The following POLA1 variants were observed in gnomAD, a reference collection of about 807,000 sequenced individuals.
POLA1 encodes the protein DNA polymerase alpha 1, catalytic subunit, also known as DNA polymerase alpha catalytic subunit.
In POLA1, 15 loss-of-function variants were observed where a neutral mutation model predicts 124.0. The observed-to-expected ratio is 0.12, with a 90% CI of 0.08 to 0.19. The LOEUF (loss-of-function observed/expected upper bound fraction) is 0.19. Ranked by LOEUF, POLA1 falls within the 10% of genes least tolerant of loss-of-function variation. POLA1 has a pLI of 1.00. For missense variants in POLA1, 886 were observed against 1,103.4 expected (o/e 0.80, Z 2.79); for synonymous variants, 408 against 389.4 (o/e 1.05, Z -0.56).
At chrX:24,709,196 G>C (rs1929095979) in intron 4 of POLA1, among the ~76,000 whole-genome samples, 1 of 95,338 alleles carries the variant, frequency 1.0e-5, no homozygotes, top group Non-Finnish European at 2.1e-5. Context: ...CAGGGGGGCT[G>C]ACCCCCCCAC....
At chrX:24,971,044 G>A (rs1392858368) in intron 36 of POLA1, among the ~76,000 whole-genome samples, 2 of 112,615 alleles carry the variant, frequency 1.8e-5, no homozygotes, top group Non-Finnish European at 3.8e-5. Context: ...CAGGATCTTT[G>A]TTTTAGATTT....
chrX:24,790,259 GGTTTAAA>G (rs1354911741), intron 26 of POLA1, among the ~76,000 whole-genome samples: 1 of 111,900 alleles, frequency 8.9e-6, no homozygotes, highest in Non-Finnish European at 1.9e-5. Context: ...AGTTGCAGGA[GGTTTAAA>G]GTTTAGAGTG....
chrX:24,820,096 G>T (rs2046063380), intron 30 of POLA1, among the ~76,000 whole-genome samples: 1 of 111,684 alleles, frequency 9.0e-6, no homozygotes, highest in Non-Finnish European at 1.9e-5. Flanking sequence ...TTGCTATTGA[G>T]AGCTTTAAAA....
intron 2 of POLA1, among the ~76,000 whole-genome samples, chrX:24,702,270 T>C (rs1434730804): frequency 3.8e-5 from 4 of 106,233 alleles, no homozygotes; most frequent in Admixed American, 1.0e-4. Flanking sequence ...GGTTTCACTA[T>C]GTTGGCCAGG....
chrX:24,713,034 G>A (rs188635851), intron 4 of POLA1, among the ~76,000 whole-genome samples: 3 of 110,979 alleles, frequency 2.7e-5, no homozygotes, highest in East Asian at 2.8e-4. Context: ...GCATGATCTC[G>A]GCTCACTGCA....
intron 34 of POLA1, among the ~76,000 whole-genome samples, chrX:24,858,307 C>A (rs2046674171): frequency 9.0e-6 from 1 of 111,707 alleles, no homozygotes; most frequent in Admixed American, 9.5e-5. Context: ...ATAGAAATGT[C>A]ATCTTTCCTG....
rs777668998 is a variant in POLA1 at position 24,717,606 on chromosome X, G to A, written c.935G>A (p.Cys312Tyr). The A allele has an allele frequency of 8.3e-7, 1 of 1,210,190 alleles. No individual in the cohort carries two copies. The highest frequency in any genetic ancestry group is 1.1e-6 in the Non-Finnish European group (1 of 894,242). The part of the protein sequence containing the change: ...YLGSFLPDVS[C>Y]WDIDQEGDSS... Reference sequence around the variant, plus strand: ...GGAAGTTTTCTCCCGGATGTCTCTTGTTGGGACATTGATCAAGAAGGTGAT... The same window carrying A: ...GGAAGTTTTCTCCCGGATGTCTCTTATTGGGACATTGATCAAGAAGGTGAT... The change falls in exon 10 of 37, where the codon TGT (cysteine) becomes TAT (tyrosine). Residue 312 changes from cysteine (C) to tyrosine (Y), a missense_variant. Coordinates refer to ENST00000379068, the MANE Select transcript of POLA1 (RefSeq NM_001330360.2).
intron 30 of POLA1, among the ~76,000 whole-genome samples, chrX:24,816,186 G>A (rs1217626691): frequency 8.9e-6 from 1 of 112,282 alleles, no homozygotes; most frequent in Non-Finnish European, 1.9e-5. Flanking sequence ...GTGAATATCT[G>A]TATGGCTTTT....
chrX:24,918,810 A>G (rs765481463), intron 35 of POLA1, among the ~76,000 whole-genome samples: 1 of 105,274 alleles, frequency 9.5e-6, no homozygotes, highest in African/African-American at 3.5e-5. Flanking sequence ...TAGAGATCGC[A>G]TGGTGAGAGA....
At chrX:24,745,047 C>G (rs1455153405) in intron 23 of POLA1, among the ~76,000 whole-genome samples, 3 of 105,240 alleles carry the variant, frequency 2.9e-5, no homozygotes, top group African/African-American at 1.0e-4. Context: ...AGAATTCTTG[C>G]TTTGAAGGAG....
At chrX:24,912,876 T>C (rs1234625772) in intron 35 of POLA1, among the ~76,000 whole-genome samples, 1 of 112,531 alleles carries the variant, frequency 8.9e-6, no homozygotes, top group Admixed American at 9.4e-5. Context: ...CTGGCGCAGA[T>C]GCAAAACAAC....
intron 34 of POLA1, among the ~76,000 whole-genome samples, chrX:24,862,800 A>G (rs191393723): frequency 2.3e-3 from 259 of 112,248 alleles, no homozygotes; most frequent in Non-Finnish European, 3.7e-3. Flanking sequence ...TTATTCATCT[A>G]CGTCTGTCAA....
intron 35 of POLA1, among the ~76,000 whole-genome samples, chrX:24,919,808 G>GTTTTTTTTT (rs1195362180): frequency 4.9e-5 from 1 of 20,273 alleles, no homozygotes; most frequent in Admixed American, 5.2e-4. Flanking sequence ...TTTTTTTTTT[G>GTTTTTTTTT]TTTTTTTTTT....
In POLA1 at chrX:24,973,397, G is replaced by C. The variant is rs573880594; in HGVS notation, c.4262-22408G>C. ...AGAAAAGGCAAGAAAGAAAAAGAAAGAGAGAGAGAGAAAGAAAGGAAAAGA... is the reference window on the plus strand; with the variant it reads ...AGAAAAGGCAAGAAAGAAAAAGAAACAGAGAGAGAGAAAGAAAGGAAAAGA... On this transcript the variant is annotated intron_variant, in intron 36 of 36. Coordinates refer to ENST00000379068, the MANE Select transcript of POLA1 (RefSeq NM_001330360.2). Among the ~76,000 whole-genome samples, 27 of 110,728 alleles carry C rather than the reference G, an allele frequency of 2.4e-4. 1 individual carries two copies. The Middle Eastern group carries it at 0.028, about 116-fold the overall frequency.
chrX:24,826,539 T>C lies in POLA1; in HGVS notation c.3674T>C (p.Val1225Ala), dbSNP rs2046174243. The C allele has an allele frequency of 8.3e-7, 1 of 1,205,054 alleles. No individual in the cohort carries two copies. The highest frequency in any genetic ancestry group is 1.1e-6 in the Non-Finnish European group (1 of 891,935). The change falls in exon 32 of 37, where the codon GTC becomes GCC. Residue 1225 changes from valine to alanine, a missense_variant. Transcript: ENST00000379068. ...TACCTGGCCCAGCAGATCCACCCAG[T>C]CGTGGCTCGGATCTGTGAACCAATA... The part of the protein sequence containing the change: ...QYYLAQQIHP[V>A]VARICEPIDG...
chrX:24,769,538 T>C (rs1261888097), intron 26 of POLA1, among the ~76,000 whole-genome samples: 3 of 111,446 alleles, frequency 2.7e-5, no homozygotes, highest in Non-Finnish European at 5.7e-5. Context: ...AATTTTCCTT[T>C]CCAAAGAGTA....
chrX:24,919,846 T>G (rs2047590461), intron 35 of POLA1, among the ~76,000 whole-genome samples: 1 of 26,725 alleles, frequency 3.7e-5, no homozygotes, highest in Admixed American at 4.1e-4. Flanking sequence ...TGTTTTTCTG[T>G]TTTTTTTTTT....
chrX:24,899,319 C>T (rs1259419770), intron 35 of POLA1, among the ~76,000 whole-genome samples: 2 of 111,995 alleles, frequency 1.8e-5, no homozygotes, highest in East Asian at 5.6e-4. Flanking sequence ...AGTTTAGAAG[C>T]AATCTAGCCA....
At chrX:24,975,305 C>T (rs2048353925) in intron 36 of POLA1, among the ~76,000 whole-genome samples, 1 of 112,380 alleles carries the variant, frequency 8.9e-6, no homozygotes, top group Non-Finnish European at 1.9e-5. Flanking sequence ...CCACCGCACC[C>T]GGCCCTTGGG....
Sources: allele counts gnomAD v4.1 joint callset (sites outside exome capture counted in the v4.1 genomes callset), GRCh38; gene constraint gnomAD v4.1.1; transcripts MANE v1.5; gene names NCBI Gene and HGNC (gene_info 2026-07-23, HGNC 2026-07-21).